CHD8: variants seen among roughly 807,000 people sequenced by gnomAD.
The protein encoded by CHD8 is chromodomain helicase DNA binding protein 8.
In CHD8, 31 loss-of-function variants were observed where a neutral mutation model predicts 279.2. The observed-to-expected ratio is 0.11, with a 90% CI of 0.08 to 0.15. CHD8 has a LOEUF of 0.15. Among genes scored for constraint, CHD8 ranks in the 10% least tolerant of loss-of-function variants. The probability of loss-of-function intolerance (pLI) is 1.00; values close to 1 mark genes in which losing one functional copy is unlikely to be tolerated. For synonymous variants in CHD8, 1,081 were observed against 1,139.6 expected (o/e 0.95, Z 1.04); for missense variants, 2,146 against 3,230.5 (o/e 0.66, Z 8.14).
intron 5 of CHD8, among the ~76,000 whole-genome samples, chr14:21,421,589 T>G (rs116886455): frequency 0.026 from 4,018 of 152,184 alleles, 63 homozygotes; most frequent in African/African-American, 0.038. Flanking sequence ...CATTCTAAAT[T>G]TTTCTATATA....
At position 21,395,027 on chromosome 14, in the gene CHD8, T is replaced by C. The variant is rs1387764357; in HGVS notation, c.5275A>G (p.Ser1759Gly). 1 of 1,614,062 alleles carries C rather than the reference T, an allele frequency of 6.2e-7. No homozygotes were observed. The highest frequency in any genetic ancestry group is 1.1e-5 in the South Asian group (1 of 91,086). The change falls in exon 30 of 38, where the codon AGC becomes GGC. Residue 1759 changes from serine to glycine, a missense_variant. By Grantham distance (56) the Ser-to-Gly change is moderately conservative. Around this residue, in one of 26 missense-constraint regions of CHD8, gnomAD observed 513 missense variants for 637.6 expected, o/e 0.80. Transcript: ENST00000646647. ...ATCTTCATTTGTTCTCTCTTGTAGCTGCGCTGATACGCTGTTACTAGACGC... is the reference window on the plus strand; with the variant it reads ...ATCTTCATTTGTTCTCTCTTGTAGCCGCGCTGATACGCTGTTACTAGACGC... Reference protein sequence around the residue: ...LRRLVTAYQRSYKREQMKIEA... With the variant: ...LRRLVTAYQRGYKREQMKIEA...
chr14:21,414,544 T>A (rs1566432510), intron 8 of CHD8, 126 bp from the exon 9 acceptor site: 1 of 624,710 alleles, frequency 1.6e-6, no homozygotes, highest in Non-Finnish European at 2.8e-6. Context: ...GACAGTCTCT[T>A]AGGTCAGTGC....
At chr14:21,414,487 T>G in intron 8 of CHD8, 69 bp from the exon 9 acceptor site, 1 of 845,430 alleles carries the variant, frequency 1.2e-6, no homozygotes. Context: ...TCTGAAATTT[T>G]GGGATTAGTC....
intron 37 of CHD8, chr14:21,386,457 C>G: frequency 2.2e-6 from 1 of 459,004 alleles, no homozygotes; most frequent in East Asian, 3.8e-5. Context: ...TATATTGTAT[C>G]TTTACTTTAG....
At chr14:21,437,612 C>T (rs1212411775) in intron 1 of CHD8, among the ~76,000 whole-genome samples, 3 of 152,154 alleles carry the variant, frequency 2.0e-5, no homozygotes, top group African/African-American at 4.8e-5. Flanking sequence ...GCTCCGCCTC[C>T]CTCTGAATCC....
At chr14:21,417,726 C>T (rs1331248169) in intron 5 of CHD8, among the ~76,000 whole-genome samples, 5 of 151,132 alleles carry the variant, frequency 3.3e-5, no homozygotes, top group East Asian at 1.9e-4. Context: ...TGGTGGCGGG[C>T]GCCTGTAGTC....
chr14:21,436,121 C>G (rs966443610), intron 1 of CHD8, among the ~76,000 whole-genome samples: 3 of 152,200 alleles, frequency 2.0e-5, no homozygotes, highest in South Asian at 4.1e-4. Context: ...GTAATGTGCA[C>G]TTTTAGAAAG....
chr14:21,437,379 C>G, intron 1 of CHD8: 1 of 507,076 alleles, frequency 2.0e-6, no homozygotes, highest in Non-Finnish European at 2.7e-6. Flanking sequence ...TAAGGAGCTC[C>G]CTTCCCCCTC....
intron 27 of CHD8, chr14:21,397,195 G>A: frequency 3.3e-6 from 1 of 305,394 alleles, no homozygotes; most frequent in South Asian, 2.8e-5. Context: ...TTCCTTTGAG[G>A]GTCCTACACT....
chr14:21,395,427 T>C (rs931658243), intron 28 of CHD8, 75 bp from the exon 29 acceptor site: 2 of 1,000,676 alleles, frequency 2.0e-6, no homozygotes, highest in Middle Eastern at 4.1e-4. Flanking sequence ...GAAATCACTT[T>C]CTTGTGTGTG....
intron 1 of CHD8, among the ~76,000 whole-genome samples, chr14:21,451,571 C>CAAAAAAA (rs969355375): frequency 3.2e-5 from 1 of 31,644 alleles, no homozygotes; most frequent in African/African-American, 1.1e-4. Context: ...GACTCTGTCT[C>CAAAAAAA]AAAAAAAAAA....
rs371526821 is a variant in CHD8, at chr14:21,393,511, G to A, written c.6284C>T (p.Thr2095Ile). 6 of 1,589,112 alleles carry A rather than the reference G, an allele frequency of 3.8e-6. No homozygotes were observed. Among genetic ancestry groups the A allele is most frequent in the Non-Finnish European group, 5.1e-6 (6 of 1,167,166 alleles). ...TTCCTTCTCATCCTCACTCTCATCA[G>A]TGCTGGAGCTGGAGCTGGATGAGGA... Reference protein sequence around the residue: ...SSSSSSSSSSTDESEDEKEEK... With the variant: ...SSSSSSSSSSIDESEDEKEEK... Residue 2095 changes from threonine (T) to isoleucine (I), a missense_variant, in exon 32 of 38, where the codon ACT (threonine) becomes ATT (isoleucine). Transcript: ENST00000646647.
chr14:21,413,486 C>T (rs113374439), intron 9 of CHD8, among the ~76,000 whole-genome samples: 3,190 of 151,744 alleles, frequency 0.021, 105 homozygotes, highest in African/African-American at 0.072. Context: ...CCTCCACCTC[C>T]TACGTTCAAG....
At chr14:21,386,653 C>T (rs1008181569) in intron 37 of CHD8, among the ~76,000 whole-genome samples, 8 of 151,990 alleles carry the variant, frequency 5.3e-5, no homozygotes, top group African/African-American at 7.3e-5. Context: ...CTGGCTAACA[C>T]GGTGAAACCC....
intron 1 of CHD8, 60 bp from the exon 2 acceptor site, chr14:21,431,918 T>G: frequency 8.9e-7 from 1 of 1,123,664 alleles, no homozygotes; most frequent in Admixed American, 1.8e-5. Context: ...TCAGAGAAAA[T>G]TTTCCCTTCT....
intron 37 of CHD8, chr14:21,386,449 T>G (rs1293329760): frequency 2.0e-6 from 1 of 490,078 alleles, no homozygotes; most frequent in East Asian, 3.5e-5. Context: ...CCCATGACTA[T>G]ATTGTATCTT....
At chr14:21,409,663 TA>T (rs1464887149) in intron 11 of CHD8, among the ~76,000 whole-genome samples, 187 bp downstream of exon 11, 1 of 152,124 alleles carries the variant, frequency 6.6e-6, no homozygotes, top group Non-Finnish European at 1.5e-5. Flanking sequence ...GGTAGGAAAA[TA>T]TATGACACAA....
Position 21,431,463 on chromosome 14 carries a change from A to G in CHD8, c.181T>C (p.Ser61Pro), listed in dbSNP as rs1064795811. The change falls in exon 2 of 38, where the codon TCA (serine) becomes CCA (proline). Residue 61 changes from serine to proline, a missense_variant. Physicochemically the swap from Ser to Pro is moderately conservative, Grantham distance 74 (BLOSUM62 -1). Transcript: ENST00000646647. ...GGAGGGACCAGTTCACTTGCTGATGAATTCCCCACATCACCACCTCCACCA... is the reference window on the plus strand; with the variant it reads ...GGAGGGACCAGTTCACTTGCTGATGGATTCCCCACATCACCACCTCCACCA... The part of the protein sequence containing the change: ...QDGGGGDVGN[S>P]SASELVPPPE... The G allele has an allele frequency of 5.9e-6, 9 of 1,536,576 alleles. No individual in the cohort carries two copies. Among genetic ancestry groups the G allele is most frequent in the Non-Finnish European group, 7.8e-6 (9 of 1,146,662 alleles).
chr14:21,390,219 G>C (rs754688660), intron 37 of CHD8, among the ~76,000 whole-genome samples: 9 of 152,144 alleles, frequency 5.9e-5, no homozygotes, highest in Non-Finnish European at 1.2e-4. Flanking sequence ...TTGGGTGACA[G>C]AGTGAGACCA....
Sources: gnomAD v4.1 joint callset for allele counts (sites outside exome capture counted in the v4.1 genomes callset) on GRCh38, gnomAD v4.1.1 for gene constraint, gnomAD v4.1.1 regional missense constraint, MANE v1.5 for transcripts, NCBI Gene and HGNC (gene_info 2026-07-23, HGNC 2026-07-21) for gene names.